CAND1: variants seen among roughly 807,000 people sequenced by gnomAD.
CAND1 encodes cullin-associated NEDD8-dissociated protein 1.
CAND1 carries 7 observed loss-of-function variants against 108.5 expected under a neutral mutation model. The ratio of observed to expected loss-of-function variants is 0.06; its 90% confidence interval spans 0.04 to 0.12. The LOEUF (loss-of-function observed/expected upper bound fraction) is 0.12. Among genes scored for constraint, CAND1 ranks in the 10% least tolerant of loss-of-function variants. CAND1 has a pLI of 1.00. For missense variants in CAND1, 941 were observed against 1,448.7 expected, an observed-to-expected ratio of 0.65 and a Z score of 5.69; for synonymous variants, 534 against 512.0, an observed-to-expected ratio of 1.04 and a Z score of -0.58.
chr12:67,305,383 C>T lies in CAND1; in HGVS notation c.1715C>T (p.Thr572Ile). Residue 572 changes from threonine (T) to isoleucine (I), a missense_variant, in exon 10 of 15, where the codon ACC (threonine) becomes ATC (isoleucine). Physicochemically the swap from Thr to Ile is moderately conservative, Grantham distance 89. This residue lies in a region of CAND1 where 697 missense variants were observed against 942.0 expected (regional missense o/e 0.74). Transcript: ENST00000545606. This position sits in a 1 kb window ranked among gnomAD's most constrained non-coding sequence, Gnocchi z 4.4. ...TATATCAAAGATCTATTTACCTGTA[C>T]CATTAAGAGATTAAAAGCAGCTGAC... ...TPYIKDLFTC[T>I]IKRLKAADID... 6.2e-7 allele frequency: 1 copy of T among 1,614,042 alleles called. No homozygotes were observed. The highest frequency in any genetic ancestry group is 2.2e-5 in the East Asian group (1 of 44,876).
intron 4 of CAND1, among the ~76,000 whole-genome samples, chr12:67,296,286 T>C (rs1319536939): frequency 1.3e-5 from 2 of 151,834 alleles, no homozygotes; most frequent in Non-Finnish European, 2.9e-5. Flanking sequence ...AAGAGGGGTG[T>C]TGGAACAACA....
In CAND1 at chr12:67,295,163, G is replaced by T; in HGVS notation, c.491+7G>T. 1.2e-6 allele frequency: 2 copies of T among 1,607,270 alleles called. No individual in the cohort carries two copies. The highest frequency in any genetic ancestry group is 1.7e-6 in the Non-Finnish European group (2 of 1,176,702). Reference sequence around the variant, plus strand: ...TGGCTGATATGTTGAGCAGGTAAGTGTGCCTGTTTATTTCCGTTACTCGTA... The same window carrying T: ...TGGCTGATATGTTGAGCAGGTAAGTTTGCCTGTTTATTTCCGTTACTCGTA... On this transcript the variant is annotated splice_region_variant and intron_variant, in intron 4 of 14. Coordinates refer to ENST00000545606, the MANE Select transcript of CAND1 (RefSeq NM_018448.5).
At chr12:67,307,589 G>C in intron 11 of CAND1, 97 bp downstream of exon 11, 1 of 747,548 alleles carries the variant, frequency 1.3e-6, no homozygotes, top group Non-Finnish European at 2.2e-6. Flanking sequence ...GAATTAAAAT[G>C]CTTATAAAAT....
At chr12:67,294,443 T>C (rs1468054493) in intron 3 of CAND1, among the ~76,000 whole-genome samples, 1 of 152,198 alleles carries the variant, frequency 6.6e-6, no homozygotes, top group East Asian at 1.9e-4. Context: ...ATATATGCTT[T>C]TTAATTCACT....
At chr12:67,277,807 AT>A (rs561441612) in intron 1 of CAND1, among the ~76,000 whole-genome samples, 2 of 151,582 alleles carry the variant, frequency 1.3e-5, no homozygotes, top group East Asian at 1.9e-4. Flanking sequence ...ACTGTATGTC[AT>A]TTTTTTTTCC....
intron 8 of CAND1, among the ~76,000 whole-genome samples, chr12:67,304,063 C>T (rs2044853377): frequency 6.7e-6 from 1 of 148,910 alleles, no homozygotes. Flanking sequence ...TATCTCGGCT[C>T]ACTGCAACCT....
chr12:67,273,044 T>C (rs578238213), intron 1 of CAND1, among the ~76,000 whole-genome samples: 48 of 152,172 alleles, frequency 3.2e-4, no homozygotes, highest in Non-Finnish European at 6.3e-4. Context: ...GGAGCTCTTT[T>C]ATTAAAAAAA....
intron 1 of CAND1, chr12:67,270,029 CTTGT>C: frequency 2.1e-6 from 1 of 486,446 alleles, no homozygotes; most frequent in Non-Finnish European, 3.6e-6. Context: ...GCCCCGTTTG[CTTGT>C]CTCAGCGCCC....
At chr12:67,311,654 G>T in intron 13 of CAND1, 39 bp from the exon 14 acceptor site, 1 of 1,173,806 alleles carries the variant, frequency 8.5e-7, no homozygotes, top group South Asian at 1.3e-5. Context: ...TTTAGAAAAT[G>T]ATGTCAAATC....
intron 7 of CAND1, among the ~76,000 whole-genome samples, chr12:67,300,340 A>G (rs866776667): frequency 6.6e-6 from 1 of 152,122 alleles, no homozygotes; most frequent in African/African-American, 2.4e-5. Flanking sequence ...TTTAATATCA[A>G]TATGCTGGCA....
chr12:67,275,267 C>T (rs1371824677), intron 1 of CAND1, among the ~76,000 whole-genome samples: 1 of 152,126 alleles, frequency 6.6e-6, no homozygotes, highest in East Asian at 1.9e-4. Context: ...TGGCTCACGA[C>T]TGTAATTCCA....
rs1385077209 is a variant in CAND1, at chr12:67,295,044, G to T, written c.379G>T (p.Ala127Ser). The T allele has an allele frequency of 6.2e-7, 1 of 1,611,618 alleles. No individual in the cohort carries two copies. Among genetic ancestry groups the T allele is most frequent in the South Asian group, 1.1e-5 (1 of 90,700 alleles). ...LPPASSGSAL[A>S]ANVCKKITGR... ...TCTTATTCATGCAGGCTCTGCATTA[G>T]CTGCTAATGTATGTAAAAAGATTAC... The change falls in exon 4 of 15, where the codon GCT (alanine) becomes TCT (serine). Residue 127 changes from alanine to serine, a missense_variant. Ala to Ser is a moderately conservative substitution (Grantham distance 99, BLOSUM62 1). This residue lies in a region of CAND1 where 697 missense variants were observed against 942.0 expected (regional missense o/e 0.74). Transcript: ENST00000545606.
Position 67,299,032 on chromosome 12 carries a change from T to C in CAND1, c.937T>C (p.Tyr313His). ...TCTTACCTATGATCCAAATTATAAT[T>C]ACGATGATGAAGATGAAGATGAAAA... ...KYLTYDPNYNYDDEDEDENAM... is the reference protein window; with the variant it reads ...KYLTYDPNYNHDDEDEDENAM... The change falls in exon 7 of 15, where the codon TAC (tyrosine) becomes CAC (histidine). Residue 313 changes from tyrosine to histidine, a missense_variant. Transcript: ENST00000545606. 6.7e-7 allele frequency: 1 copy of C among 1,501,330 alleles called. No homozygotes were observed. Among genetic ancestry groups the C allele is most frequent in the Non-Finnish European group, 9.3e-7 (1 of 1,080,358 alleles). 93.0% of individuals were successfully genotyped at this position (1,501,330 alleles called of 1,614,324 possible).
chr12:67,306,159 A>G lies in CAND1; in HGVS notation c.2491A>G (p.Thr831Ala). ...FIQDVKNSRS[T>A]DSIRLLALLS... ...TCAAGATGTCAAGAACTCAAGGTCTACAGATTCCATTCGTCTCTTAGCTCT... is the reference window on the plus strand; with the variant it reads ...TCAAGATGTCAAGAACTCAAGGTCTGCAGATTCCATTCGTCTCTTAGCTCT... The change falls in exon 10 of 15, where the codon ACA becomes GCA. Residue 831 changes from threonine to alanine, a missense_variant. Around this residue, in one of 9 missense-constraint regions of CAND1, gnomAD observed 697 missense variants for 942.0 expected, o/e 0.74. Coordinates refer to ENST00000545606, the MANE Select transcript of CAND1 (RefSeq NM_018448.5). 6.2e-7 allele frequency: 1 copy of G among 1,614,148 alleles called. No individual in the cohort carries two copies.
At position 67,311,874 on chromosome 12, in the gene CAND1, T is replaced by A. The variant is rs2044954069; in HGVS notation, c.3468+74T>A. On this transcript the variant is annotated intron_variant, in intron 14 of 14. Transcript: ENST00000545606. The stretch of plus-strand genomic sequence containing the variant: ...TTCCTAGCCAATTCTTTTCTCTAGC[T>A]TTCCAAATATAACTATTCCAGTGCT... The A allele has an allele frequency of 3.8e-5, 32 of 849,476 alleles. 1 individual carries two copies. The South Asian group carries it at 4.1e-4, about 11-fold the overall frequency. The allele number at this position is 849,476 out of a possible 1,614,324, so 52.6% of individuals were successfully genotyped here.
rs1423044328 is a variant in CAND1 at position 67,313,242 on chromosome 12, TG to T, written c.*413del. 6.5e-6 allele frequency: 1 copy of T among 153,264 alleles called. No homozygotes were observed. The highest frequency in any genetic ancestry group is 1.5e-5 in the Non-Finnish European group (1 of 68,518). 9.5% of individuals were successfully genotyped at this position (153,264 alleles called of 1,614,324 possible). ...CAAAAATCTTGCAAAACAAAAACCATGTTTCTTTTTCTTGTATAACTTTTTG... is the reference window on the plus strand; with the variant it reads ...CAAAAATCTTGCAAAACAAAAACCATTTTCTTTTTCTTGTATAACTTTTTG... On this transcript the variant is annotated 3_prime_UTR_variant, in exon 15 of 15. Coordinates refer to ENST00000545606, the MANE Select transcript of CAND1 (RefSeq NM_018448.5).
At chr12:67,308,692 A>G (rs1236343861) in intron 11 of CAND1, among the ~76,000 whole-genome samples, 2 of 152,086 alleles carry the variant, frequency 1.3e-5, no homozygotes, top group African/African-American at 4.8e-5. Flanking sequence ...TAGATGCTTT[A>G]CTGAAAGCGG....
chr12:67,283,991 G>A (rs974304556), intron 2 of CAND1, among the ~76,000 whole-genome samples: 1 of 151,936 alleles, frequency 6.6e-6, no homozygotes, highest in Admixed American at 6.6e-5. Flanking sequence ...TTGGAGGTTG[G>A]AAAATCCCAA....
intron 4 of CAND1, chr12:67,297,141 C>T: frequency 2.1e-6 from 1 of 486,140 alleles, no homozygotes; most frequent in Non-Finnish European, 3.7e-6. Flanking sequence ...CCAAGCCAAT[C>T]AATTAGATAT....
Sources: gnomAD v4.1 joint callset for allele counts (sites outside exome capture counted in the v4.1 genomes callset) on GRCh38, gnomAD v4.1.1 for gene constraint, gnomAD v4.1.1 regional missense constraint, Gnocchi (gnomAD v3.1) non-coding constraint, MANE v1.5 for transcripts, NCBI Gene and HGNC (gene_info 2026-07-23, HGNC 2026-07-21) for gene names.